Variants in ENTREP3 observed in about 807,000 individuals in gnomAD.
The protein encoded by ENTREP3 is endosomal transmembrane epsin interactor 3.
the ENTREP3 span, chr1:155,251,187 G>A: frequency 6.4e-7 from 1 of 1,574,072 alleles, no homozygotes; most frequent in Non-Finnish European, 8.7e-7. Context: ...CAGGGTCAAG[G>A]GTTCAGCCCT....
chr1:155,248,080 G>A, the ENTREP3 span: 1 of 1,614,200 alleles, frequency 6.2e-7, no homozygotes, highest in Non-Finnish European at 8.5e-7. Context: ...CAGTCCCACT[G>A]GGGTCTGGGG....
the ENTREP3 span, chr1:155,253,889 G>T: frequency 3.1e-6 from 5 of 1,612,764 alleles, no homozygotes; most frequent in Non-Finnish European, 4.2e-6. Context: ...CATCACAGGT[G>T]GAGTTAGGGG....
At chr1:155,251,463 C>G in the ENTREP3 span, 1 of 1,496,170 alleles carries the variant, frequency 6.7e-7, no homozygotes, top group South Asian at 1.1e-5. Flanking sequence ...GGCTACAACC[C>G]GGCTCCCCAG....
At chr1:155,254,942 G>A in the ENTREP3 span, 2 of 1,280,318 alleles carry the variant, frequency 1.6e-6, no homozygotes, top group Non-Finnish European at 2.2e-6. This position sits in a 1 kb window ranked among gnomAD's most constrained non-coding sequence, Gnocchi z 4.4. Flanking sequence ...TCTCAGAGGC[G>A]CCCAAGGCCC....
At chr1:155,253,875 G>C in the ENTREP3 span, 3 of 1,612,910 alleles carry the variant, frequency 1.9e-6, no homozygotes, top group African/African-American at 4.0e-5. Flanking sequence ...GGCCCCTCGG[G>C]CTTCATCACA....
At chr1:155,250,938 C>T in the ENTREP3 span, 4 of 1,276,530 alleles carry the variant, frequency 3.1e-6, no homozygotes, top group Admixed American at 9.9e-5. The surrounding 1 kb of genome is among the most constrained non-coding windows in gnomAD (Gnocchi z 5.4). Context: ...AGCTTTATCT[C>T]AGAGGAGAAA....
the ENTREP3 span, chr1:155,247,856 C>CAGACAGG: frequency 2.6e-6 from 4 of 1,509,674 alleles, no homozygotes; most frequent in Non-Finnish European, 3.5e-6. Context: ...AGCCTGCGGC[C>CAGACAGG]AGACAGGAGA....
chr1:155,251,311 T>G, the ENTREP3 span: 2 of 763,358 alleles, frequency 2.6e-6, no homozygotes, highest in East Asian at 2.7e-5. Context: ...CACGTCTGTA[T>G]GGCAGAAATG....
At chr1:155,254,866 C>G in the ENTREP3 span, 1 of 1,569,886 alleles carries the variant, frequency 6.4e-7, no homozygotes, top group Non-Finnish European at 8.6e-7. This position sits in a 1 kb window ranked among gnomAD's most constrained non-coding sequence, Gnocchi z 4.4. Flanking sequence ...AGTCACTAGG[C>G]GAGGGCATCA....
At chr1:155,248,437 T>A in the ENTREP3 span, 1 of 1,613,852 alleles carries the variant, frequency 6.2e-7, no homozygotes, top group South Asian at 1.1e-5. Flanking sequence ...AGCAGCTTCT[T>A]CCTCAAGCAC....
At chr1:155,250,798 CCA>C in the ENTREP3 span, 1 of 1,608,070 alleles carries the variant, frequency 6.2e-7, no homozygotes, top group Non-Finnish European at 8.5e-7. This position sits in a 1 kb window ranked among gnomAD's most constrained non-coding sequence, Gnocchi z 5.4. Flanking sequence ...GCTGACAGCA[CCA>C]GAGACCCGCT....
the ENTREP3 span, chr1:155,250,830 G>T: frequency 6.3e-7 from 1 of 1,591,416 alleles, no homozygotes; most frequent in Non-Finnish European, 8.5e-7. This position sits in a 1 kb window ranked among gnomAD's most constrained non-coding sequence, Gnocchi z 5.4. Flanking sequence ...CACTGTGGGC[G>T]GCAGGGGGCG....
the ENTREP3 span, chr1:155,251,716 AC>A: frequency 6.2e-7 from 1 of 1,611,904 alleles, no homozygotes; most frequent in South Asian, 1.1e-5. Flanking sequence ...CCCCAGCAAG[AC>A]CCCACCAGGC....
the ENTREP3 span, chr1:155,252,690 G>GTGCA: frequency 3.0e-5 from 1 of 32,878 alleles, no homozygotes; most frequent in African/African-American, 1.9e-4. Flanking sequence ...AATTTTGTGT[G>GTGCA]TATATATATA....
chr1:155,252,774 C>T, the ENTREP3 span: 4 of 122,408 alleles, frequency 3.3e-5, no homozygotes, highest in African/African-American at 6.7e-5. Context: ...TCTTGTCGCC[C>T]AGGCTGGAAT....
chr1:155,254,780 G>T, the ENTREP3 span: 2 of 1,613,776 alleles, frequency 1.2e-6, no homozygotes, highest in South Asian at 2.2e-5. This position sits in a 1 kb window ranked among gnomAD's most constrained non-coding sequence, Gnocchi z 4.4. Context: ...CGTAAGCAGG[G>T]CCTGCAGCCA....
the ENTREP3 span, chr1:155,248,450 T>C: frequency 6.2e-7 from 1 of 1,613,722 alleles, no homozygotes; most frequent in Non-Finnish European, 8.5e-7. Context: ...TCAAGCACTT[T>C]GGTATAAAGG....
At chr1:155,254,185 A>G in the ENTREP3 span, 1 of 1,613,592 alleles carries the variant, frequency 6.2e-7, no homozygotes, top group South Asian at 1.1e-5. The surrounding 1 kb of genome is among the most constrained non-coding windows in gnomAD (Gnocchi z 4.4). Context: ...AGCAAGGAGA[A>G]GAAGGAGATC....
chr1:155,251,123 G>A, the ENTREP3 span: 1 of 1,612,574 alleles, frequency 6.2e-7, no homozygotes, highest in Non-Finnish European at 8.5e-7. Context: ...CTCGTTCACA[G>A]ATGCACGAGC....
Sources: allele counts gnomAD v4.1 joint callset, GRCh38; gene constraint gnomAD v4.1.1; non-coding constraint Gnocchi (gnomAD v3.1); transcripts MANE v1.5; gene names NCBI Gene and HGNC (gene_info 2026-07-23, HGNC 2026-07-21).